ENOX1: variants seen among roughly 807,000 people sequenced by gnomAD.
ENOX1 encodes the protein ecto-NOX disulfide-thiol exchanger 1.
Under a neutral mutation model 82.5 loss-of-function variants are expected in ENOX1, and 42 were observed. The ratio of observed to expected loss-of-function variants is 0.51; its 90% CI spans 0.40 to 0.66. The LOEUF (loss-of-function observed/expected upper bound fraction) is 0.66. ENOX1 is among the 30% of genes least tolerant of loss of function. The pLI, the probability that ENOX1 is intolerant of heterozygous loss-of-function variation, is 0.00. For missense variants in ENOX1, 608 were observed against 811.6 expected, an observed-to-expected ratio of 0.75 and a Z score of 3.05; for synonymous variants, 271 against 282.2, an observed-to-expected ratio of 0.96 and a Z score of 0.40.
intron 1 of ENOX1, among the ~76,000 whole-genome samples, chr13:43,785,959 C>G (rs1462966783): frequency 6.6e-6 from 1 of 151,968 alleles, no homozygotes; most frequent in Non-Finnish European, 1.5e-5. Context: ...GAGGCGCGGG[C>G]TCTGCACCCT....
intron 1 of ENOX1, among the ~76,000 whole-genome samples, chr13:43,746,023 A>G (rs920675264): frequency 1.3e-5 from 2 of 152,184 alleles, no homozygotes; most frequent in Non-Finnish European, 2.9e-5. Context: ...GGACTAATAT[A>G]ACCACTTTAA....
chr13:43,413,000 G>C lies in ENOX1; in HGVS notation c.-74-12C>G. On this transcript the variant is annotated splice_polypyrimidine_tract_variant and intron_variant, in intron 3 of 16. Coordinates refer to ENST00000690772, the MANE Select transcript of ENOX1 (RefSeq NM_001347969.2). ...GAGGTCATCAGATTCTGCAAAACGG[G>C]ACAGAAGTGTGGTGAGAAACCTTAA... is the stretch of plus-strand genomic sequence containing the variant. The C allele has an allele frequency of 1.3e-6, 2 of 1,555,192 alleles. No individual in the cohort carries two copies. Among genetic ancestry groups the C allele is most frequent in the Middle Eastern group, 2.2e-4 (1 of 4,502 alleles).
rs377056008 is a variant in ENOX1 at position 43,297,172 on chromosome 13, C to A, written c.1446+1174G>T. On this transcript the variant is annotated intron_variant, in intron 12 of 16. Coordinates refer to ENST00000690772, the MANE Select transcript of ENOX1 (RefSeq NM_001347969.2). ...GAAGATGTTTAAGATATAATTTGTA[C>A]GAGTTGGTTATTAACTTGTTCACTT... Among the ~76,000 whole-genome samples, 4 of 152,190 alleles carry A rather than the reference C, an allele frequency of 2.6e-5. No individual in the cohort carries two copies. The South Asian group carries it at 6.2e-4, about 24-fold the overall frequency.
At chr13:43,280,558 G>C (rs1311673751) in intron 12 of ENOX1, among the ~76,000 whole-genome samples, 1 of 152,206 alleles carries the variant, frequency 6.6e-6, no homozygotes, top group Non-Finnish European at 1.5e-5. Flanking sequence ...CAATGATCTA[G>C]CCTGTTTTGC....
intron 16 of ENOX1, among the ~76,000 whole-genome samples, chr13:43,219,111 G>A (rs1193064713): frequency 1.3e-5 from 2 of 152,154 alleles, no homozygotes; most frequent in Non-Finnish European, 2.9e-5. Flanking sequence ...TCACTTCTGA[G>A]ACCAGGGATT....
intron 2 of ENOX1, among the ~76,000 whole-genome samples, chr13:43,616,307 A>G (rs2082477083): frequency 1.4e-5 from 2 of 144,826 alleles, no homozygotes; most frequent in South Asian, 2.3e-4. Context: ...GGTTCAAGCA[A>G]TCCTCCCACC....
chr13:43,615,706 T>C (rs116704324), intron 2 of ENOX1, among the ~76,000 whole-genome samples: 5,217 of 152,138 alleles, frequency 0.034, 292 homozygotes, highest in African/African-American at 0.12. Context: ...ATCCGTCATA[T>C]GCATCAGGCA....
intron 3 of ENOX1, among the ~76,000 whole-genome samples, chr13:43,426,177 G>T (rs920248712): frequency 6.6e-6 from 1 of 152,186 alleles, no homozygotes; most frequent in Admixed American, 6.5e-5. Flanking sequence ...ATGCCATTCC[G>T]TTATTTATTC....
chr13:43,642,960 T>C (rs748130976), intron 2 of ENOX1, among the ~76,000 whole-genome samples: 3 of 152,140 alleles, frequency 2.0e-5, no homozygotes, highest in Non-Finnish European at 2.9e-5. Context: ...TAAGGAAAAA[T>C]ACAAGTGGAA....
chr13:43,403,728 C>A (rs541498379), intron 5 of ENOX1, among the ~76,000 whole-genome samples: 15 of 152,122 alleles, frequency 9.9e-5, no homozygotes, highest in African/African-American at 3.6e-4. Context: ...GTGGTCCCAG[C>A]TACTCGAGAA....
In ENOX1 at chr13:43,495,279, A is replaced by G. The variant is rs188424832; in HGVS notation, c.-218-11127T>C. On this transcript the variant is annotated intron_variant, in intron 2 of 16. Transcript: ENST00000690772. Reference sequence around the variant, plus strand: ...ATATACCTTCCCAAGTAACCTACACACAAGTCAAGATACAAAACATTTCCA... The same window carrying G: ...ATATACCTTCCCAAGTAACCTACACGCAAGTCAAGATACAAAACATTTCCA... Among the ~76,000 whole-genome samples, 207 of 152,250 alleles carry G rather than the reference A, an allele frequency of 1.4e-3. 1 individual carries two copies. Among genetic ancestry groups the G allele is most frequent in the Middle Eastern group, 6.8e-3 (2 of 294 alleles).
chr13:43,297,952 AAGAC>A (rs2153506792), intron 12 of ENOX1, among the ~76,000 whole-genome samples: 1 of 152,338 alleles, frequency 6.6e-6, no homozygotes, highest in Non-Finnish European at 1.5e-5. Context: ...ACTAACCTTG[AAGAC>A]AGACAAACAA....
intron 5 of ENOX1, among the ~76,000 whole-genome samples, chr13:43,399,963 T>C (rs1329529065): frequency 1.3e-5 from 2 of 152,002 alleles, no homozygotes; most frequent in Non-Finnish European, 2.9e-5. Context: ...CACCCCTTTT[T>C]TCATGGCTCC....
At chr13:43,629,644 T>C (rs1425731086) in intron 2 of ENOX1, among the ~76,000 whole-genome samples, 1 of 152,262 alleles carries the variant, frequency 6.6e-6, no homozygotes, top group Non-Finnish European at 1.5e-5. Context: ...CTTCCATACA[T>C]GTATCAATTT....
rs146033786 is a variant in ENOX1, at chr13:43,287,622, G to A, written c.1446+10724C>T. On this transcript the variant is annotated intron_variant, in intron 12 of 16. Coordinates refer to ENST00000690772, the MANE Select transcript of ENOX1 (RefSeq NM_001347969.2). ...TCATGCCCTTAGGTGGCATCAGTAC[G>A]GCTTATCTTCTTCCTCATCTTATGA... 1.9e-3 allele frequency among the ~76,000 whole-genome samples: 288 copies of A among 152,234 alleles called. 1 individual carries two copies. The highest frequency in any genetic ancestry group is 6.6e-3 in the African/African-American group (274 of 41,554).
chr13:43,644,833 A>G (rs933344446), intron 2 of ENOX1, among the ~76,000 whole-genome samples: 2 of 152,196 alleles, frequency 1.3e-5, no homozygotes, highest in Non-Finnish European at 2.9e-5. Context: ...CCCAGGCAGA[A>G]CATGGATCCT....
intron 2 of ENOX1, among the ~76,000 whole-genome samples, chr13:43,524,770 T>C (rs1051205614): frequency 3.9e-5 from 6 of 152,108 alleles, no homozygotes; most frequent in African/African-American, 1.4e-4. Flanking sequence ...AGCACCTTAT[T>C]TCAAAGAGTG....
chr13:43,611,840 G>A (rs77938954), intron 2 of ENOX1, among the ~76,000 whole-genome samples: 6 of 152,310 alleles, frequency 3.9e-5, no homozygotes, highest in Admixed American at 1.3e-4. Flanking sequence ...CTTGCCCTTG[G>A]CATGGTACCT....
intron 1 of ENOX1, among the ~76,000 whole-genome samples, chr13:43,668,660 G>A (rs919853720): frequency 3.9e-5 from 6 of 152,166 alleles, no homozygotes; most frequent in African/African-American, 1.4e-4. Context: ...GAGCCCCAAA[G>A]TGGAAGGATA....
Sources: gnomAD v4.1 joint callset for allele counts (sites outside exome capture counted in the v4.1 genomes callset) on GRCh38, gnomAD v4.1.1 for gene constraint, MANE v1.5 for transcripts, NCBI Gene and HGNC (gene_info 2026-07-23, HGNC 2026-07-21) for gene names.